ZNF510: variants seen among roughly 807,000 people sequenced by gnomAD.
ZNF510 encodes the protein zinc finger protein 510.
ZNF510 carries 15 observed loss-of-function variants against 18.1 expected under a neutral mutation model. The ratio of observed to expected loss-of-function variants is 0.83; its 90% confidence interval spans 0.55 to 1.28. The LOEUF is 1.28. Among genes scored for constraint, ZNF510 ranks in the 50% most tolerant of loss-of-function variants. The pLI, the probability that ZNF510 is intolerant of heterozygous loss-of-function variation, is 0.00. For synonymous variants in ZNF510, 261 were observed against 266.4 expected (o/e 0.98, Z 0.20); for missense variants, 724 against 791.8 (o/e 0.91, Z 1.03).
rs41281908 is a variant in ZNF510, at chr9:96,760,389, T to G, written c.441A>C (p.Thr147=). The change falls in exon 6 of 6, where the codon ACA becomes ACC. Residue 147 remains threonine (T), a synonymous_variant. Transcript: ENST00000223428. The stretch of plus-strand genomic sequence containing the variant: ...AAACTTTCTCTTCCTCTGTAGTCAA[T>G]GTTTTATTATTGATACATATTGCTT... ...LEQAICINNK[T]LTTEEEKVLG... The G allele has an allele frequency of 6.2e-7, 1 of 1,613,740 alleles. No individual in the cohort carries two copies. The highest frequency in any genetic ancestry group is 2.2e-5 in the East Asian group (1 of 44,822).
At position 96,758,780 on chromosome 9, in the gene ZNF510, A is replaced by G. The variant is rs367908636; in HGVS notation, c.2050T>C (p.Ter684ArgextTer4). 7.7e-5 allele frequency: 120 copies of G among 1,567,786 alleles called. No homozygotes were observed. Among genetic ancestry groups the G allele is most frequent in the Non-Finnish European group, 1.0e-4 (119 of 1,159,140 alleles). ...QKIQGEGNPY[*>R] is the part of the protein sequence containing the mutation. ...AAAAGGATTTTCTAGTTATTACATC[A>G]ATAGGGATTCCCCTCTCCCTGAATT... Residue 684 changes from the stop codon to arginine (R), a stop_lost, in exon 6 of 6, where the codon TGA (stop) becomes CGA (arginine). Transcript: ENST00000223428.
Position 96,776,151 on chromosome 9 carries a change from C to G in ZNF510, c.-82G>C. ...ATCAAGACCTGCTCCTTTCTGGGTT[C>G]TTCTGCATCTGTTTGGAAGCCCTGG... On this transcript the variant is annotated 5_prime_UTR_variant, in exon 2 of 6. Coordinates refer to ENST00000223428, the MANE Select transcript of ZNF510 (RefSeq NM_014930.3). 10 of 1,532,916 alleles carry G rather than the reference C, an allele frequency of 6.5e-6. No individual in the cohort carries two copies. Among genetic ancestry groups the G allele is most frequent in the Non-Finnish European group, 8.8e-6 (10 of 1,137,380 alleles). The allele number at this position is 1,532,916 out of a possible 1,614,324, so 95.0% of individuals were successfully genotyped here. A position where few individuals can be genotyped will look rare whatever the true frequency, so the allele number is the denominator to read the frequency against.
At chr9:96,766,469 C>T (rs116159969) in intron 3 of ZNF510, among the ~76,000 whole-genome samples, 1,782 of 151,610 alleles carry the variant, frequency 0.012, 45 homozygotes, top group African/African-American at 0.04. Flanking sequence ...ACTACAGCTG[C>T]AGAGTTTGGT....
chr9:96,763,287 A>C (rs1211148313), intron 4 of ZNF510, 74 bp from the exon 5 acceptor site: 1 of 1,480,342 alleles, frequency 6.8e-7, no homozygotes, highest in Non-Finnish European at 9.4e-7. Context: ...AAGAAAATAC[A>C]GCTTTGGAAG....
chr9:96,763,287 A>G, intron 4 of ZNF510, 74 bp from the exon 5 acceptor site: 1 of 1,480,464 alleles, frequency 6.8e-7, no homozygotes, highest in Non-Finnish European at 9.4e-7. Context: ...AAGAAAATAC[A>G]GCTTTGGAAG....
intron 3 of ZNF510, among the ~76,000 whole-genome samples, chr9:96,767,443 G>A (rs1849498987): frequency 6.6e-6 from 1 of 152,122 alleles, no homozygotes; most frequent in Non-Finnish European, 1.5e-5. Flanking sequence ...ATGCAGCTAA[G>A]GCAGTGCTAA....
intron 3 of ZNF510, among the ~76,000 whole-genome samples, chr9:96,766,998 G>A (rs1428805715): frequency 6.6e-6 from 1 of 152,116 alleles, no homozygotes; most frequent in Non-Finnish European, 1.5e-5. Context: ...CACATAGGTG[G>A]ATTTTCACCT....
intron 4 of ZNF510, 137 bp downstream of exon 4, chr9:96,763,369 G>A: frequency 7.7e-7 from 1 of 1,294,350 alleles, no homozygotes; most frequent in Non-Finnish European, 1.1e-6. Flanking sequence ...TCCTCGACAG[G>A]GCATAGTTAC....
intron 3 of ZNF510, among the ~76,000 whole-genome samples, chr9:96,770,618 T>C (rs1214125493): frequency 4.0e-5 from 6 of 151,078 alleles, no homozygotes; most frequent in Non-Finnish European, 8.8e-5. Context: ...AAAAAATATA[T>C]ATATATATAG....
At chr9:96,766,835 C>T (rs971611921) in intron 3 of ZNF510, among the ~76,000 whole-genome samples, 7 of 151,978 alleles carry the variant, frequency 4.6e-5, no homozygotes, top group Non-Finnish European at 8.8e-5. Context: ...GAGACAGGCA[C>T]CTGCAGGGAG....
intron 3 of ZNF510, among the ~76,000 whole-genome samples, chr9:96,766,790 T>TATC (rs759370352): frequency 6.6e-6 from 1 of 151,840 alleles, no homozygotes; most frequent in Non-Finnish European, 1.5e-5. Context: ...AGAAAATTAG[T>TATC]ATCTTTTTTT....
rs1849300707 is a variant in ZNF510, at chr9:96,759,780, G to A, written c.1050C>T (p.His350=). 2.5e-6 allele frequency: 4 copies of A among 1,613,874 alleles called. No homozygotes were observed. In the South Asian group the frequency reaches 3.3e-5, roughly 13 times the overall value. ...PSGNNFNRKA[H]LTDPQTAVIE... ...TGACAGCTGTTTGAGGATCAGTGAG[G>A]TGTGCCTTTCTGTTGAAATTATTTC... The change falls in exon 6 of 6, where the codon CAC becomes CAT. Residue 350 remains histidine, a synonymous_variant. Transcript: ENST00000223428.
chr9:96,771,549 C>T (rs1330952057), intron 3 of ZNF510, among the ~76,000 whole-genome samples: 1 of 151,728 alleles, frequency 6.6e-6, no homozygotes, highest in Non-Finnish European at 1.5e-5. Flanking sequence ...TACTGAGTAC[C>T]CCTCAGGTGA....
At position 96,758,939 on chromosome 9, in the gene ZNF510, T is replaced by G; in HGVS notation, c.1891A>C (p.Asn631His). Residue 631 changes from asparagine (N) to histidine (H), a missense_variant, in exon 6 of 6, where the codon AAT becomes CAT. Transcript: ENST00000223428. ...IHTGEKPFQC[N>H]KCGKTFGQKS... is the part of the protein sequence containing the mutation. ...TGGCCAAAAGTTTTCCCACATTTATTACACTGAAAGGGTTTCTCCCCTGTG... is the reference window on the plus strand; with the variant it reads ...TGGCCAAAAGTTTTCCCACATTTATGACACTGAAAGGGTTTCTCCCCTGTG... The G allele has an allele frequency of 6.2e-7, 1 of 1,614,154 alleles. No homozygotes were observed.
chr9:96,775,581 C>G (rs1849679865), intron 2 of ZNF510, among the ~76,000 whole-genome samples: 1 of 152,158 alleles, frequency 6.6e-6, no homozygotes, highest in African/African-American at 2.4e-5. Context: ...TTCGATAAGA[C>G]ACTTCTGGTG....
In ZNF510 at chr9:96,759,350, C is replaced by T; in HGVS notation, c.1480G>A (p.Gly494Arg). Reference sequence around the variant, plus strand: ...GTGGACTTCTGAACAAAAGTTTTCCCACATTCACTACATTCATAGGGTTTT... The same window carrying T: ...GTGGACTTCTGAACAAAAGTTTTCCTACATTCACTACATTCATAGGGTTTT... ...GEKPYECSEC[G>R]KTFVQKSTLR... The change falls in exon 6 of 6, where the codon GGG becomes AGG. Residue 494 changes from glycine (G) to arginine (R), a missense_variant. Coordinates refer to ENST00000223428, the MANE Select transcript of ZNF510 (RefSeq NM_014930.3). The T allele has an allele frequency of 6.2e-7, 1 of 1,614,124 alleles. No individual in the cohort carries two copies. The highest frequency in any genetic ancestry group is 8.5e-7 in the Non-Finnish European group (1 of 1,180,002).
At chr9:96,774,142 A>C (rs1849640952) in intron 3 of ZNF510, among the ~76,000 whole-genome samples, 1 of 152,226 alleles carries the variant, frequency 6.6e-6, no homozygotes, top group African/African-American at 2.4e-5. Flanking sequence ...TGCTCTCAAA[A>C]TGCAGTAATC....
At position 96,757,314 on chromosome 9, in the gene ZNF510, G is replaced by A. The variant is rs1018012563; in HGVS notation, c.*1464C>T. The A allele has an allele frequency of 2.0e-5, 3 of 152,266 alleles. No individual in the cohort carries two copies. The highest frequency in any genetic ancestry group is 3.9e-4 in the East Asian group (2 of 5,162). The allele number at this position is 152,266 out of a possible 1,614,324, so 9.4% of individuals were successfully genotyped here. On this transcript the variant is annotated 3_prime_UTR_variant, in exon 6 of 6. Transcript: ENST00000223428. ...CTCTGTGCAATTAAGGCACACTTAC[G>A]TTGAACTGCACAGTGGCTGCTCACC...
intron 3 of ZNF510, among the ~76,000 whole-genome samples, chr9:96,769,797 T>C (rs1849549153): frequency 6.6e-6 from 1 of 152,008 alleles, no homozygotes; most frequent in African/African-American, 2.4e-5. Context: ...GATAAACAAA[T>C]AGCCAATAAG....
Sources: gnomAD v4.1 joint callset for allele counts (sites outside exome capture counted in the v4.1 genomes callset) on GRCh38, gnomAD v4.1.1 for gene constraint, MANE v1.5 for transcripts, NCBI Gene and HGNC (gene_info 2026-07-23, HGNC 2026-07-21) for gene names.